The following TJP2 variants were observed in gnomAD, a reference collection of about 807,000 sequenced individuals.
The protein encoded by TJP2 is Friedreich ataxia region gene X104 (tight junction protein ZO-2).
In TJP2, 91 loss-of-function variants were observed where a neutral mutation model predicts 133.1. The ratio of observed to expected loss-of-function variants is 0.68; its 90% CI spans 0.58 to 0.81. The LOEUF (loss-of-function observed/expected upper bound fraction) is 0.81, where lower values mean the gene tolerates loss of function less well. TJP2 is among the 40% of genes least tolerant of loss of function. TJP2 has a pLI of 0.00. For synonymous variants in TJP2, 592 were observed against 583.4 expected (o/e 1.01, Z -0.21); for missense variants, 1,541 against 1,565.6 (o/e 0.98, Z 0.26).
chr9:69,199,202 A>T (rs1476153807), intron 1 of TJP2, among the ~76,000 whole-genome samples: 1 of 152,018 alleles, frequency 6.6e-6, no homozygotes, highest in Non-Finnish European at 1.5e-5. Flanking sequence ...CTTTCTAAGG[A>T]TTTGAGTTCG....
chr9:69,134,339 A>G (rs1255516671), intron 1 of TJP2, among the ~76,000 whole-genome samples: 3 of 152,208 alleles, frequency 2.0e-5, no homozygotes, highest in African/African-American at 4.8e-5. Flanking sequence ...AAATATAACA[A>G]TTAGAGACTA....
chr9:69,163,638 CAAAA>C (rs34941016), intron 2 of TJP2, among the ~76,000 whole-genome samples: 4 of 135,656 alleles, frequency 2.9e-5, no homozygotes, highest in Non-Finnish European at 3.2e-5. Context: ...ACCCTGTCTC[CAAAA>C]AAAAAAAAAA....
chr9:69,155,385 C>T (rs112778154), intron 2 of TJP2, among the ~76,000 whole-genome samples: 121 of 152,374 alleles, frequency 7.9e-4, no homozygotes, highest in African/African-American at 2.8e-3. Context: ...AGGGAAATCA[C>T]TCCAGCAGCC....
chr9:69,131,599 C>A (rs1200629354), intron 1 of TJP2, among the ~76,000 whole-genome samples: 1 of 152,204 alleles, frequency 6.6e-6, no homozygotes, highest in Non-Finnish European at 1.5e-5. Flanking sequence ...TCATTTGGGG[C>A]ATCTGTTGTT....
rs551073714 is a variant in TJP2 at position 69,239,584 on chromosome 9, G to A, written c.2356-353G>A. Among the ~76,000 whole-genome samples, 14 of 152,274 alleles carry A rather than the reference G, an allele frequency of 9.2e-5. No homozygotes were observed. In the South Asian group the frequency reaches 2.9e-3, roughly 32 times the overall value. ...CCAGCACTTTGGGAGGCAGAGGCGG[G>A]CGGATCACCTGAAGTCAGGAGTTTG... On this transcript the variant is annotated intron_variant, in intron 16 of 22. Coordinates refer to ENST00000377245, the MANE Select transcript of TJP2 (RefSeq NM_004817.4).
chr9:69,236,195 A>G lies in TJP2; in HGVS notation c.1948A>G (p.Ile650Val), dbSNP rs775788598. 2 of 1,614,012 alleles carry G rather than the reference A, an allele frequency of 1.2e-6. No homozygotes were observed. The highest frequency in any genetic ancestry group is 1.1e-5 in the South Asian group (1 of 91,078). Residue 650 changes from isoleucine to valine, a missense_variant, in exon 13 of 23, where the codon ATT (isoleucine) becomes GTT (valine). Physicochemically the swap from Ile to Val is conservative, Grantham distance 29. Transcript: ENST00000377245. Reference protein sequence around the residue: ...GKLGNWLAVRIGNELEKGLIP... With the variant: ...GKLGNWLAVRVGNELEKGLIP... Reference sequence around the variant, plus strand: ...GCTGGGCAACTGGCTGGCTGTGAGGATTGGGAACGAGTTGGAGAAAGGCTT... The same window carrying G: ...GCTGGGCAACTGGCTGGCTGTGAGGGTTGGGAACGAGTTGGAGAAAGGCTT...
chr9:69,190,758 A>G (rs1010656185), intron 1 of TJP2, among the ~76,000 whole-genome samples: 50 of 152,300 alleles, frequency 3.3e-4, no homozygotes, highest in African/African-American at 1.2e-3. Flanking sequence ...TAAGTTTTGC[A>G]TAAATTGAGT....
intron 19 of TJP2, 43 bp downstream of exon 19, chr9:69,248,267 G>A: frequency 9.0e-6 from 14 of 1,549,342 alleles, no homozygotes; most frequent in Non-Finnish European, 1.2e-5. Flanking sequence ...AGAGCCTGGT[G>A]TTTTCCTTGC....
At chr9:69,212,141 G>T (rs1827964368) in intron 1 of TJP2, among the ~76,000 whole-genome samples, 1 of 152,162 alleles carries the variant, frequency 6.6e-6, no homozygotes, top group Non-Finnish European at 1.5e-5. Flanking sequence ...GATATTTTTA[G>T]ACATAAACAT....
rs751886529 is a variant in TJP2, at chr9:69,240,002, C to T, written c.2421C>T (p.Phe807=). The change falls in exon 17 of 23, where the codon TTC becomes TTT. Residue 807 remains phenylalanine, a synonymous_variant. Coordinates refer to ENST00000377245, the MANE Select transcript of TJP2 (RefSeq NM_004817.4). ...AVDLLNYTQW[F]PIVIFFNPDS... ...ACCTGTTGAATTACACCCAGTGGTT[C>T]CCAATTGTGATTTTTTTCAACCCAG... 6.2e-7 allele frequency: 1 copy of T among 1,614,108 alleles called. No individual in the cohort carries two copies. Among genetic ancestry groups the T allele is most frequent in the Non-Finnish European group, 8.5e-7 (1 of 1,180,006 alleles).
intron 18 of TJP2, 23 bp downstream of exon 18, chr9:69,246,813 T>C: frequency 6.2e-7 from 1 of 1,600,774 alleles, no homozygotes; most frequent in Non-Finnish European, 8.6e-7. Context: ...GATATGCTGC[T>C]ATGAGGTGAG....
chr9:69,238,503 G>A (rs1563948445), intron 15 of TJP2, among the ~76,000 whole-genome samples: 1 of 151,966 alleles, frequency 6.6e-6, no homozygotes, highest in Non-Finnish European at 1.5e-5. Context: ...CAAGCTAGTT[G>A]TCTCCTAGAA....
chr9:69,227,941 TG>T (rs1204308349), intron 8 of TJP2, 39 bp from the exon 9 acceptor site: 1 of 1,613,992 alleles, frequency 6.2e-7, no homozygotes, highest in East Asian at 2.2e-5. Flanking sequence ...TTTATGAAAC[TG>T]TTATCTCTTG....
chr9:69,131,451 T>G (rs1822492503), intron 1 of TJP2, among the ~76,000 whole-genome samples: 1 of 152,134 alleles, frequency 6.6e-6, no homozygotes, highest in Admixed American at 6.5e-5. Context: ...CCCACTCACG[T>G]CACAAAGTCG....
intron 1 of TJP2, among the ~76,000 whole-genome samples, chr9:69,149,079 C>A (rs1587909959): frequency 6.6e-6 from 1 of 152,142 alleles, no homozygotes; most frequent in African/African-American, 2.4e-5. Context: ...TATTTTATTT[C>A]TTTCTGCCAA....
At chr9:69,214,805 A>G (rs1447923707) in intron 2 of TJP2, among the ~76,000 whole-genome samples, 1 of 145,790 alleles carries the variant, frequency 6.9e-6, no homozygotes, top group Admixed American at 7.0e-5. Flanking sequence ...CCTAGGAGGC[A>G]GGGGTTGCAG....
chr9:69,180,279 G>A (rs1212434433), intron 1 of TJP2, among the ~76,000 whole-genome samples: 2 of 152,084 alleles, frequency 1.3e-5, no homozygotes, highest in Non-Finnish European at 2.9e-5. Flanking sequence ...CTTTGCCATC[G>A]TATTAAAAGC....
chr9:69,220,126 C>G (rs575081142), intron 4 of TJP2, among the ~76,000 whole-genome samples: 1 of 151,912 alleles, frequency 6.6e-6, no homozygotes, highest in Non-Finnish European at 1.5e-5. Context: ...GGCAACAGAG[C>G]GAGACTTTGT....
chr9:69,122,803 G>C (rs1479805986), intron 1 of TJP2, among the ~76,000 whole-genome samples: 1 of 152,208 alleles, frequency 6.6e-6, no homozygotes, highest in Non-Finnish European at 1.5e-5. Context: ...TCCGCAGGCA[G>C]GTCTTCTGTC....
Sources: gnomAD v4.1 joint callset for allele counts (sites outside exome capture counted in the v4.1 genomes callset) on GRCh38, gnomAD v4.1.1 for gene constraint, MANE v1.5 for transcripts, NCBI Gene and HGNC (gene_info 2026-07-23, HGNC 2026-07-21) for gene names.